Variants in ME1 observed in about 807,000 individuals in gnomAD.
The protein encoded by ME1 is malic enzyme 1.
In ME1, 74 loss-of-function variants were observed where a neutral mutation model predicts 66.4. That is an observed-to-expected ratio of 1.11 (90% CI 0.92 to 1.35). The LOEUF is 1.35. Ranked by LOEUF, ME1 falls within the 40% of genes most tolerant of loss-of-function variation. ME1 has a pLI of 0.00. For synonymous variants in ME1, 251 were observed against 235.6 expected (o/e 1.07, Z -0.60); for missense variants, 750 against 694.1 (o/e 1.08, Z -0.90).
chr6:83,250,805 T>C (rs1226252876), intron 7 of ME1, among the ~76,000 whole-genome samples: 2 of 152,236 alleles, frequency 1.3e-5, no homozygotes, highest in Non-Finnish European at 2.9e-5. Context: ...AACTCTTTCA[T>C]GTTTAATTCT....
At chr6:83,236,217 T>C (rs566489496) in intron 9 of ME1, among the ~76,000 whole-genome samples, 1 of 152,288 alleles carries the variant, frequency 6.6e-6, no homozygotes, top group East Asian at 1.9e-4. Context: ...AAGTGTAACA[T>C]ATCACTATTA....
chr6:83,321,931 T>C (rs1472858174), intron 5 of ME1, among the ~76,000 whole-genome samples: 1 of 152,172 alleles, frequency 6.6e-6, no homozygotes, highest in Non-Finnish European at 1.5e-5. Context: ...GGTGCCCCTC[T>C]TGGGGGAAGC....
intron 4 of ME1, among the ~76,000 whole-genome samples, chr6:83,349,150 T>A (rs1055882344): frequency 6.6e-6 from 1 of 151,176 alleles, no homozygotes; most frequent in Non-Finnish European, 1.5e-5. Flanking sequence ...TTTTAAAATA[T>A]GTTTTGAGAC....
chr6:83,392,575 G>T (rs974808956), intron 3 of ME1: 5 of 561,112 alleles, frequency 8.9e-6, no homozygotes, highest in Non-Finnish European at 1.4e-5. Context: ...TTCCGCCCAT[G>T]GCAAATTCCA....
chr6:83,429,113 A>C (rs1209630383), intron 1 of ME1, among the ~76,000 whole-genome samples: 1 of 152,000 alleles, frequency 6.6e-6, no homozygotes, highest in Non-Finnish European at 1.5e-5. Context: ...AGTACAAAAA[A>C]TTTGCCGGGC....
chr6:83,245,901 A>G (rs1160877964), intron 7 of ME1, among the ~76,000 whole-genome samples: 1 of 137,068 alleles, frequency 7.3e-6, no homozygotes, highest in African/African-American at 2.7e-5. Flanking sequence ...CTACATATAA[A>G]TATAGGATCT....
chr6:83,220,738 G>C (rs1041887067), intron 12 of ME1, among the ~76,000 whole-genome samples: 8 of 152,172 alleles, frequency 5.3e-5, no homozygotes, highest in Non-Finnish European at 1.0e-4. Flanking sequence ...CTCTTGCTAA[G>C]ATACATGACT....
chr6:83,214,858 T>C (rs1789961240), intron 13 of ME1, among the ~76,000 whole-genome samples: 1 of 152,150 alleles, frequency 6.6e-6, no homozygotes, highest in South Asian at 2.1e-4. Context: ...TGTTCTAGTT[T>C]CTCAATTTCT....
At chr6:83,237,276 A>AAAGAAAGGAAGG (rs754296141) in intron 9 of ME1, among the ~76,000 whole-genome samples, 4 of 73,640 alleles carry the variant, frequency 5.4e-5, no homozygotes, top group Admixed American at 1.4e-4. Flanking sequence ...AGAAAGAAAG[A>AAAGAAAGGAAGG]AAGGAAGGAA....
At chr6:83,334,237 C>A (rs1469508889) in intron 5 of ME1, among the ~76,000 whole-genome samples, 8 of 145,854 alleles carry the variant, frequency 5.5e-5, no homozygotes, top group South Asian at 2.3e-4. Context: ...CACTCCCACC[C>A]GAATATTGCG....
At chr6:83,409,215 A>G (rs1770001652) in intron 1 of ME1, among the ~76,000 whole-genome samples, 1 of 152,214 alleles carries the variant, frequency 6.6e-6, no homozygotes, top group Non-Finnish European at 1.5e-5. Flanking sequence ...TAAGCCAGCC[A>G]GTACATGGTA....
At chr6:83,271,397 T>C (rs904356843) in intron 6 of ME1, among the ~76,000 whole-genome samples, 1 of 152,178 alleles carries the variant, frequency 6.6e-6, no homozygotes, top group African/African-American at 2.4e-5. Context: ...TGGCTACAAC[T>C]GAGTCACATG....
intron 6 of ME1, among the ~76,000 whole-genome samples, chr6:83,268,727 C>T (rs1198521708): frequency 8.2e-6 from 1 of 121,272 alleles, no homozygotes; most frequent in South Asian, 2.6e-4. Flanking sequence ...CACCATGCCC[C>T]GTTATTATTA....
At chr6:83,375,183 G>A (rs1345542855) in intron 3 of ME1, among the ~76,000 whole-genome samples, 2 of 152,126 alleles carry the variant, frequency 1.3e-5, no homozygotes, top group East Asian at 1.9e-4. Context: ...AATTACTTTG[G>A]GCAGTATGGC....
At chr6:83,329,869 G>A (rs2128541928) in intron 5 of ME1, among the ~76,000 whole-genome samples, 1 of 152,134 alleles carries the variant, frequency 6.6e-6, no homozygotes, top group South Asian at 2.1e-4. Context: ...TGTCTATCCT[G>A]GAGTGCAGTG....
intron 5 of ME1, among the ~76,000 whole-genome samples, chr6:83,322,615 GA>G (rs1209262760): frequency 6.6e-6 from 1 of 152,108 alleles, no homozygotes; most frequent in East Asian, 1.9e-4. Context: ...AAAAAATAAT[GA>G]AAAGGAATGA....
intron 5 of ME1, among the ~76,000 whole-genome samples, chr6:83,343,931 G>A (rs2128543487): frequency 6.6e-6 from 1 of 151,938 alleles, no homozygotes; most frequent in East Asian, 1.9e-4. Flanking sequence ...GTGTCCTAGT[G>A]TTACAGTTTC....
At chr6:83,381,984 C>T (rs921869000) in intron 3 of ME1, among the ~76,000 whole-genome samples, 1 of 152,048 alleles carries the variant, frequency 6.6e-6, no homozygotes, top group Non-Finnish European at 1.5e-5. Flanking sequence ...CTCCCCAGTC[C>T]CAGATCTTTT....
At chr6:83,344,467 C>A (rs1768648909) in intron 5 of ME1, among the ~76,000 whole-genome samples, 2 of 152,084 alleles carry the variant, frequency 1.3e-5, no homozygotes, top group South Asian at 4.1e-4. Context: ...ACTGTAGTCC[C>A]AGCTACTTGG....
Sources: allele counts gnomAD v4.1 joint callset (sites outside exome capture counted in the v4.1 genomes callset), GRCh38; gene constraint gnomAD v4.1.1; transcripts MANE v1.5; gene names NCBI Gene and HGNC (gene_info 2026-07-23, HGNC 2026-07-21).